The following SLC44A4 variants were observed in gnomAD, a reference collection of about 807,000 sequenced individuals.
The protein encoded by SLC44A4 is choline transporter-like protein 4.
SLC44A4 carries 74 observed loss-of-function variants against 97.0 expected under a neutral mutation model. The observed-to-expected ratio is 0.76, with a 90% CI of 0.63 to 0.93. SLC44A4 has a LOEUF of 0.93. Ranked by LOEUF, SLC44A4 falls within the 40% of genes least tolerant of loss-of-function variation. SLC44A4 has a pLI of 0.00. For synonymous variants in SLC44A4, 325 were observed against 363.8 expected (o/e 0.89, Z 1.21); for missense variants, 799 against 902.9 (o/e 0.88, Z 1.48).
Position 31,876,153 on chromosome 6 carries a change from G to C in SLC44A4, c.90-24C>G. On this transcript the variant is annotated intron_variant, in intron 2 of 20. Transcript: ENST00000229729. This position sits in a 1 kb window ranked among gnomAD's most constrained non-coding sequence, Gnocchi z 4.8. ...TTCTGAGAGAGAAACGAAACGGGAGGCTGAGCTAAGGAGACTTGGGGAGGT... is the reference window on the plus strand; with the variant it reads ...TTCTGAGAGAGAAACGAAACGGGAGCCTGAGCTAAGGAGACTTGGGGAGGT... 1 of 1,599,356 alleles carries C rather than the reference G, an allele frequency of 6.3e-7. No homozygotes were observed. Among genetic ancestry groups the C allele is most frequent in the South Asian group, 1.1e-5 (1 of 89,300 alleles).
rs756350991 is a variant in SLC44A4, at chr6:31,878,975, C to G, written c.6G>C (p.Gly2=). The G allele has an allele frequency of 6.2e-7, 1 of 1,613,640 alleles. No individual in the cohort carries two copies. The highest frequency in any genetic ancestry group is 2.2e-5 in the East Asian group (1 of 44,898). ...CGTCATCCTCGTCCCGCTGCTTTCC[C>G]CCCATGGCTCAGTCTCCGGAGTGAT... The part of the protein sequence containing the change: M[G]GKQRDEDDEA... The change falls in exon 1 of 21, where the codon GGG becomes GGC. Residue 2 remains glycine (G), a synonymous_variant. Coordinates refer to ENST00000229729, the MANE Select transcript of SLC44A4 (RefSeq NM_025257.3). The surrounding 1 kb of genome is among the most constrained non-coding windows in gnomAD (Gnocchi z 4.0).
At chr6:31,864,780 G>A in intron 19 of SLC44A4, 36 bp downstream of exon 19, 1 of 1,613,836 alleles carries the variant, frequency 6.2e-7, no homozygotes, top group Non-Finnish European at 8.5e-7. Flanking sequence ...CCTCTGGGGA[G>A]TTGGGGGTGG....
In SLC44A4 at chr6:31,874,307, A is replaced by G. The variant is rs116709967; in HGVS notation, c.529+153T>C. On this transcript the variant is annotated intron_variant, in intron 7 of 20. Coordinates refer to ENST00000229729, the MANE Select transcript of SLC44A4 (RefSeq NM_025257.3). This position sits in a 1 kb window ranked among gnomAD's most constrained non-coding sequence, Gnocchi z 4.8. ...ACACTGATGGTCTGACTGCAAGGCC[A>G]CATAACAAAGAGCAAAATGAAGACC... is the stretch of plus-strand genomic sequence containing the variant. 3.5e-3 allele frequency among the ~76,000 whole-genome samples: 532 copies of G among 152,322 alleles called. 4 individuals are homozygous for G. The highest frequency in any genetic ancestry group is 0.012 in the African/African-American group (504 of 41,558).
In SLC44A4 at chr6:31,866,087, C is replaced by T. The variant is rs541130677; in HGVS notation, c.1273G>A (p.Val425Ile). 8.7e-6 allele frequency: 14 copies of T among 1,614,116 alleles called. No individual in the cohort carries two copies. The highest frequency in any genetic ancestry group is 6.7e-5 in the African/African-American group (5 of 75,052). Residue 425 changes from valine (V) to isoleucine (I), a missense_variant, in exon 14 of 21, where the codon GTC becomes ATC. By Grantham distance (29) the Val-to-Ile change is conservative (BLOSUM62 3). This residue lies in a region of SLC44A4 where 379 missense variants were observed against 438.3 expected (regional missense o/e 0.86). Transcript: ENST00000229729. ...VNSSCPGLMC[V>I]FQGYSSKGLI... ...CCTTTGGATGAGTAGCCCTGGAAGA[C>T]GCACATCAGCCCTGGGCACGAGGAG...
At position 31,878,968 on chromosome 6, in the gene SLC44A4, G is replaced by T; in HGVS notation, c.13C>A (p.Gln5Lys). Reference sequence around the variant, plus strand: ...TAGGCCTCGTCATCCTCGTCCCGCTGCTTTCCCCCCATGGCTCAGTCTCCG... The same window carrying T: ...TAGGCCTCGTCATCCTCGTCCCGCTTCTTTCCCCCCATGGCTCAGTCTCCG... MGGK[Q>K]RDEDDEAYGK... is the part of the protein sequence containing the mutation. The change falls in exon 1 of 21, where the codon CAG (glutamine) becomes AAG (lysine). Residue 5 changes from glutamine (Q) to lysine (K), a missense_variant. Gln to Lys is a moderately conservative substitution (Grantham distance 53, BLOSUM62 1). Transcript: ENST00000229729. This position sits in a 1 kb window ranked among gnomAD's most constrained non-coding sequence, Gnocchi z 4.0. 6.2e-7 allele frequency: 1 copy of T among 1,613,700 alleles called. No individual in the cohort carries two copies. Among genetic ancestry groups the T allele is most frequent in the Non-Finnish European group, 8.5e-7 (1 of 1,179,930 alleles).
At position 31,863,537 on chromosome 6, in the gene SLC44A4, T is replaced by C; in HGVS notation, c.*90A>G. 1 of 1,505,914 alleles carries C rather than the reference T, an allele frequency of 6.6e-7. No individual in the cohort carries two copies. Among genetic ancestry groups the C allele is most frequent in the East Asian group, 2.5e-5 (1 of 40,704 alleles). The allele number at this position is 1,505,914 out of a possible 1,614,324, so 93.3% of individuals were successfully genotyped here. The stretch of plus-strand genomic sequence containing the variant: ...ACGGCGCCTGGCCTAAAACCTTTTT[T>C]TACCACAAAATGGAGACCTGTAAGG... On this transcript the variant is annotated 3_prime_UTR_variant, in exon 21 of 21. Transcript: ENST00000229729.
At position 31,874,402 on chromosome 6, in the gene SLC44A4, T is replaced by A. The variant is rs929620490; in HGVS notation, c.529+58A>T. 1 of 1,583,910 alleles carries A rather than the reference T, an allele frequency of 6.3e-7. No homozygotes were observed. Among genetic ancestry groups the A allele is most frequent in the Non-Finnish European group, 8.7e-7 (1 of 1,154,192 alleles). On this transcript the variant is annotated intron_variant, in intron 7 of 20. Coordinates refer to ENST00000229729, the MANE Select transcript of SLC44A4 (RefSeq NM_025257.3). The surrounding 1 kb of genome is among the most constrained non-coding windows in gnomAD (Gnocchi z 4.8). ...CTCTCTCTGGGCCTGATTTCTTCAT[T>A]CAAGCAATGAAAACACTGGACTAGA...
Position 31,864,685 on chromosome 6 carries a change from C to T in SLC44A4, c.1978G>A (p.Gly660Ser), listed in dbSNP as rs371751994. ...AGGAAGAGCGTGTCCACACACATGC[C>T]GAAAACGCTGAAGAAGCCGCTGGCG... The part of the protein sequence containing the change: ...VIASGFFSVF[G>S]MCVDTLFLCF... Residue 660 changes from glycine to serine, a missense_variant, in exon 20 of 21, where the codon GGC (glycine) becomes AGC (serine). Physicochemically the swap from Gly to Ser is moderately conservative, Grantham distance 56. Coordinates refer to ENST00000229729, the MANE Select transcript of SLC44A4 (RefSeq NM_025257.3). 80 of 1,613,738 alleles carry T rather than the reference C, an allele frequency of 5.0e-5. No individual in the cohort carries two copies. In the South Asian group the frequency reaches 7.0e-4, roughly 14 times the overall value.
At position 31,878,857 on chromosome 6, in the gene SLC44A4, C is replaced by G. The variant is rs1016736840; in HGVS notation, c.40+84G>C. On this transcript the variant is annotated intron_variant, in intron 1 of 20. Coordinates refer to ENST00000229729, the MANE Select transcript of SLC44A4 (RefSeq NM_025257.3). The surrounding 1 kb of genome is among the most constrained non-coding windows in gnomAD (Gnocchi z 4.0). ...ACACAGTACTCTCCTTAGTTCCTCT[C>G]CCTGGAGCCAGCCCCAGACACCATT... The G allele has an allele frequency of 1.4e-6, 2 of 1,470,276 alleles. No homozygotes were observed. The highest frequency in any genetic ancestry group is 9.5e-7 in the Non-Finnish European group (1 of 1,049,624). 91.1% of individuals were successfully genotyped at this position (1,470,276 alleles called of 1,614,324 possible).
In SLC44A4 at chr6:31,878,815, G is replaced by T; in HGVS notation, c.40+126C>A. ...CCTCCCTCCATGGCTCCCGGTTCCC[G>T]GGCCCTCCCCTCAGGGACACAGTAC... On this transcript the variant is annotated intron_variant, in intron 1 of 20. Transcript: ENST00000229729. The surrounding 1 kb of genome is among the most constrained non-coding windows in gnomAD (Gnocchi z 4.0). 1 of 1,178,674 alleles carries T rather than the reference G, an allele frequency of 8.5e-7. No individual in the cohort carries two copies. The highest frequency in any genetic ancestry group is 1.3e-6 in the Non-Finnish European group (1 of 798,512). 73.0% of individuals were successfully genotyped at this position (1,178,674 alleles called of 1,614,324 possible).
chr6:31,867,496 G>T (rs534537472), intron 13 of SLC44A4, among the ~76,000 whole-genome samples: 19 of 152,158 alleles, frequency 1.2e-4, no homozygotes, highest in Non-Finnish European at 2.2e-4. Context: ...TTTGGAGGCT[G>T]AAGCAGGCAA....
At chr6:31,869,028 G>T in intron 13 of SLC44A4, 127 bp downstream of exon 13, 1 of 681,910 alleles carries the variant, frequency 1.5e-6, no homozygotes, top group South Asian at 2.2e-5. Context: ...GCTGGGGGTT[G>T]AGTGTGTGAC....
chr6:31,866,607 T>C (rs961038992), intron 13 of SLC44A4, among the ~76,000 whole-genome samples: 1 of 152,020 alleles, frequency 6.6e-6, no homozygotes, highest in Non-Finnish European at 1.5e-5. Flanking sequence ...AAAAAAAATT[T>C]ATGAGGCGGG....
Position 31,866,088 on chromosome 6 carries a change from G to A in SLC44A4, c.1272C>T (p.Cys424=), listed in dbSNP as rs965939372. The A allele has an allele frequency of 7.4e-6, 12 of 1,614,130 alleles. No individual in the cohort carries two copies. Among genetic ancestry groups the A allele is most frequent in the Non-Finnish European group, 1.0e-5 (12 of 1,179,994 alleles). ...CTTTGGATGAGTAGCCCTGGAAGAC[G>A]CACATCAGCCCTGGGCACGAGGAGT... ...LVNSSCPGLM[C]VFQGYSSKGL... The change falls in exon 14 of 21, where the codon TGC becomes TGT. Residue 424 remains cysteine, a synonymous_variant. Transcript: ENST00000229729.
At chr6:31,870,417 G>T (rs191379547) in intron 11 of SLC44A4, among the ~76,000 whole-genome samples, 186 bp downstream of exon 11, 4 of 152,158 alleles carry the variant, frequency 2.6e-5, no homozygotes, top group Admixed American at 2.6e-4. Context: ...ACCCTAGAAG[G>T]CAGGAATTAT....
At chr6:31,872,487 C>T (rs1266793343) in intron 7 of SLC44A4, among the ~76,000 whole-genome samples, 1 of 152,192 alleles carries the variant, frequency 6.6e-6, no homozygotes, top group Non-Finnish European at 1.5e-5. Flanking sequence ...CCTCCCACCT[C>T]AGCCCCCCAA....
chr6:31,871,653 A>AG (rs1763187228), intron 7 of SLC44A4, 92 bp from the exon 8 acceptor site: 1 of 958,122 alleles, frequency 1.0e-6, no homozygotes, highest in Non-Finnish European at 1.6e-6. Flanking sequence ...CCCTTAGGGG[A>AG]GGGAAGGGTG....
intron 11 of SLC44A4, among the ~76,000 whole-genome samples, chr6:31,870,172 C>A (rs1763081369): frequency 6.6e-6 from 1 of 152,036 alleles, no homozygotes; most frequent in Non-Finnish European, 1.5e-5. Flanking sequence ...CTCACAGGAC[C>A]CTTAGAGGAA....
At position 31,866,086 on chromosome 6, in the gene SLC44A4, A is replaced by C; in HGVS notation, c.1274T>G (p.Val425Gly). 2 of 1,614,122 alleles carry C rather than the reference A, an allele frequency of 1.2e-6. No homozygotes were observed. The highest frequency in any genetic ancestry group is 1.7e-6 in the Non-Finnish European group (2 of 1,179,998). The stretch of plus-strand genomic sequence containing the variant: ...GCCTTTGGATGAGTAGCCCTGGAAG[A>C]CGCACATCAGCCCTGGGCACGAGGA... ...VNSSCPGLMC[V>G]FQGYSSKGLI... is the part of the protein sequence containing the mutation. Residue 425 changes from valine to glycine, a missense_variant, in exon 14 of 21, where the codon GTC (valine) becomes GGC (glycine). Val to Gly is a moderately radical substitution (Grantham distance 109). Around this residue, in one of 3 missense-constraint regions of SLC44A4, gnomAD observed 379 missense variants for 438.3 expected, o/e 0.86. Coordinates refer to ENST00000229729, the MANE Select transcript of SLC44A4 (RefSeq NM_025257.3).
Sources: allele counts gnomAD v4.1 joint callset (sites outside exome capture counted in the v4.1 genomes callset), GRCh38; gene constraint gnomAD v4.1.1; regional missense constraint gnomAD v4.1.1; non-coding constraint Gnocchi (gnomAD v3.1); transcripts MANE v1.5; gene names NCBI Gene and HGNC (gene_info 2026-07-23, HGNC 2026-07-21).